Variants in MFNG observed in about 807,000 individuals in gnomAD.
The protein encoded by MFNG is beta-1,3-N-acetylglucosaminyltransferase manic fringe.
A neutral mutation model predicts 34.2 loss-of-function variants in MFNG; 24 were observed. The ratio of observed to expected loss-of-function variants is 0.70; its 90% CI spans 0.51 to 0.99. The LOEUF is 0.99. Ranked by LOEUF, MFNG falls within the 50% of genes least tolerant of loss-of-function variation. The pLI is 0.00. For missense variants in MFNG, 383 were observed against 424.0 expected (o/e 0.90, Z 0.85); for synonymous variants, 158 against 179.2 (o/e 0.88, Z 0.94).
At chr22:37,479,542 C>G in intron 3 of MFNG, 44 bp from the exon 4 acceptor site, 1 of 1,603,138 alleles carries the variant, frequency 6.2e-7, no homozygotes, top group Non-Finnish European at 8.5e-7. Flanking sequence ...GGGGGGGTTC[C>G]AAGCCAGGGT....
Position 37,485,799 on chromosome 22 carries a change from G to A in MFNG, c.255+124C>T. The A allele has an allele frequency of 8.4e-7, 1 of 1,192,928 alleles. No individual in the cohort carries two copies. Among genetic ancestry groups the A allele is most frequent in the Non-Finnish European group, 1.2e-6 (1 of 864,010 alleles). The allele number at this position is 1,192,928 out of a possible 1,614,324, so 73.9% of individuals were successfully genotyped here. On this transcript the variant is annotated intron_variant, in intron 1 of 7. Coordinates refer to ENST00000356998, the MANE Select transcript of MFNG (RefSeq NM_002405.4). This position sits in a 1 kb window ranked among gnomAD's most constrained non-coding sequence, Gnocchi z 5.3. ...AGAAGGAGAGAGGAAGAGGATCCCT[G>A]ATTAGGCAGGTATTGAGCAGCTTCT...
At chr22:37,477,130 T>C in intron 4 of MFNG, 149 bp from the exon 5 acceptor site, 2 of 666,488 alleles carry the variant, frequency 3.0e-6, no homozygotes, top group South Asian at 1.8e-5. Flanking sequence ...CCTGGCATTA[T>C]TGCACCCATT....
At chr22:37,481,277 T>C (rs1370078673) in intron 1 of MFNG, 1 of 155,208 alleles carries the variant, frequency 6.4e-6, no homozygotes, top group East Asian at 1.9e-4. Flanking sequence ...ATCTCGGAAA[T>C]GCTGCCTCAC....
chr22:37,480,807 C>T (rs1922262043), intron 1 of MFNG, 38 bp from the exon 2 acceptor site: 1 of 1,593,222 alleles, frequency 6.3e-7, no homozygotes, highest in African/African-American at 1.3e-5. Flanking sequence ...TCACATCGGC[C>T]CAAGGGACAC....
At chr22:37,473,810 G>A (rs140471198) in intron 6 of MFNG, among the ~76,000 whole-genome samples, 230 of 152,332 alleles carry the variant, frequency 1.5e-3, no homozygotes, top group African/African-American at 5.1e-3. Flanking sequence ...TCAGTTATGT[G>A]AGCCAACAAT....
Position 37,482,340 on chromosome 22 carries a change from G to A in MFNG, c.256-1571C>T, listed in dbSNP as rs537107679. On this transcript the variant is annotated intron_variant, in intron 1 of 7. Transcript: ENST00000356998. The surrounding 1 kb of genome is among the most constrained non-coding windows in gnomAD (Gnocchi z 4.1). ...AGGCCAGCCTCCCTAAGTGTGGCCAGTGAGGGGCCACCTGGCCACCCTGCC... is the reference window on the plus strand; with the variant it reads ...AGGCCAGCCTCCCTAAGTGTGGCCAATGAGGGGCCACCTGGCCACCCTGCC... 6.6e-6 allele frequency among the ~76,000 whole-genome samples: 1 copy of A among 152,284 alleles called. No homozygotes were observed. Among genetic ancestry groups the A allele is most frequent in the African/African-American group, 2.4e-5 (1 of 41,538 alleles).
At position 37,485,957 on chromosome 22, in the gene MFNG, A is replaced by T; in HGVS notation, c.221T>A (p.Leu74Gln). The change falls in exon 1 of 8, where the codon CTG (leucine) becomes CAG (glutamine). Residue 74 changes from leucine (L) to glutamine (Q), a missense_variant. Physicochemically the swap from Leu to Gln is moderately radical, Grantham distance 113. Coordinates refer to ENST00000356998, the MANE Select transcript of MFNG (RefSeq NM_002405.4). This position sits in a 1 kb window ranked among gnomAD's most constrained non-coding sequence, Gnocchi z 5.3. ...RAFHRLRLEL[L>Q]LDTWVSRTRE... ...GGTCCTGGAAACCCACGTGTCAAGC[A>T]GCAGCTCCAGGCGCAAGCGGTGGAA... 1 of 1,613,800 alleles carries T rather than the reference A, an allele frequency of 6.2e-7. No homozygotes were observed. Among genetic ancestry groups the T allele is most frequent in the African/African-American group, 1.3e-5 (1 of 75,042 alleles).
At chr22:37,484,427 C>T (rs961850323) in intron 1 of MFNG, 11 of 152,302 alleles carry the variant, frequency 7.2e-5, no homozygotes, top group African/African-American at 2.7e-4. Context: ...CTCCTGTAGC[C>T]CAGTGACCCA....
At chr22:37,472,874 T>A (rs1921872830) in intron 6 of MFNG, 1 of 229,840 alleles carries the variant, frequency 4.4e-6, no homozygotes, top group Non-Finnish European at 8.5e-6. Flanking sequence ...TGAGACTCAC[T>A]GGAGGGCCTT....
chr22:37,479,636 G>T, intron 3 of MFNG, 138 bp from the exon 4 acceptor site: 1 of 1,106,618 alleles, frequency 9.0e-7, no homozygotes, highest in Non-Finnish European at 1.3e-6. Flanking sequence ...TCTGTTTTGT[G>T]CCAAGTTGCA....
rs1348707608 is a variant in MFNG at position 37,486,309 on chromosome 22, G to A, written c.-132C>T. 1.9e-6 allele frequency: 2 copies of A among 1,073,992 alleles called. No homozygotes were observed. The highest frequency in any genetic ancestry group is 1.9e-5 in the South Asian group (1 of 53,270). The allele number at this position is 1,073,992 out of a possible 1,614,324, so 66.5% of individuals were successfully genotyped here. A position where few individuals can be genotyped will look rare whatever the true frequency, so the allele number is the denominator to read the frequency against. On this transcript the variant is annotated 5_prime_UTR_variant, in exon 1 of 8. Transcript: ENST00000356998. The stretch of plus-strand genomic sequence containing the variant: ...TCAGGGGCTGGCAAGGAGGGAAGAG[G>A]TAGGAGCTGAGGCTCTGGACCCAGA...
chr22:37,486,012 C>T lies in MFNG; in HGVS notation c.166G>A (p.Val56Ile). 1 of 1,614,092 alleles carries T rather than the reference C, an allele frequency of 6.2e-7. No individual in the cohort carries two copies. Among genetic ancestry groups the T allele is most frequent in the South Asian group, 1.1e-5 (1 of 91,088 alleles). The change falls in exon 1 of 8, where the codon GTC becomes ATC. Residue 56 changes from valine to isoleucine, a missense_variant. By Grantham distance (29) the Val-to-Ile change is conservative (BLOSUM62 3). Coordinates refer to ENST00000356998, the MANE Select transcript of MFNG (RefSeq NM_002405.4). ...CGGGTCGTCTTCACTGCAATGAAGA[C>T]ATCGTGTAGCTGTAGCTTAGGGGGC... is the stretch of plus-strand genomic sequence containing the variant. ...PGPPKLQLHD[V>I]FIAVKTTRAF...
intron 6 of MFNG, among the ~76,000 whole-genome samples, chr22:37,473,248 G>A (rs376482199): frequency 1.6e-4 from 24 of 152,170 alleles, no homozygotes; most frequent in Non-Finnish European, 2.8e-4. Flanking sequence ...GACCAGCCTG[G>A]CCAACATGGT....
In MFNG at chr22:37,474,620, C is replaced by T; in HGVS notation, c.705G>A (p.Met235Ile). The T allele has an allele frequency of 6.2e-7, 1 of 1,613,922 alleles. No individual in the cohort carries two copies. Residue 235 changes from methionine to isoleucine, a missense_variant, in exon 6 of 8, where the codon ATG becomes ATA. By Grantham distance (10) the Met-to-Ile change is conservative. Transcript: ENST00000356998. ...ALIRLPDDCTMGYIIECKLGG... is the reference protein window; with the variant it reads ...ALIRLPDDCTIGYIIECKLGG... The stretch of plus-strand genomic sequence containing the variant: ...CCAGCTTGCACTCAATGATATAGCC[C>T]ATGGTGCAGTCATCAGGCAGCCGGA...
At chr22:37,477,603 C>T (rs1019670548) in intron 4 of MFNG, among the ~76,000 whole-genome samples, 17 of 152,130 alleles carry the variant, frequency 1.1e-4, no homozygotes, top group Admixed American at 7.9e-4. Context: ...TGCGCCACCA[C>T]GCCCAACTAA....
At chr22:37,473,410 C>T (rs1465457860) in intron 6 of MFNG, among the ~76,000 whole-genome samples, 1 of 151,800 alleles carries the variant, frequency 6.6e-6, no homozygotes, top group East Asian at 1.9e-4. Context: ...ACCTGGGCAA[C>T]AGAGCGAGAC....
At position 37,470,046 on chromosome 22, in the gene MFNG, A is replaced by AAAGG; in HGVS notation, c.900-21_900-18dup. The AAAGG allele has an allele frequency of 6.3e-7, 1 of 1,582,884 alleles. No homozygotes were observed. The highest frequency in any genetic ancestry group is 8.6e-7 in the Non-Finnish European group (1 of 1,160,122). On this transcript the variant is annotated splice_polypyrimidine_tract_variant and intron_variant, in intron 7 of 7. Coordinates refer to ENST00000356998, the MANE Select transcript of MFNG (RefSeq NM_002405.4). ...GAGCGAAATCTGCAGAGAGACCAGA[A>AAAGG]AAGGACAGGATGGTCACCCCCCACT...
rs767404702 is a variant in MFNG at position 37,479,532 on chromosome 22, G to A, written c.408-34C>T. ...ATGAAACGGGGACAGTGAACTTGTT[G>A]GGGGGGTTCCAAGCCAGGGTCCCCA... On this transcript the variant is annotated intron_variant, in intron 3 of 7. Coordinates refer to ENST00000356998, the MANE Select transcript of MFNG (RefSeq NM_002405.4). 3.7e-6 allele frequency: 6 copies of A among 1,604,716 alleles called. No individual in the cohort carries two copies. In the African/African-American group the frequency reaches 8.1e-5, roughly 22 times the overall value.
At chr22:37,470,119 T>C in intron 7 of MFNG, 90 bp from the exon 8 acceptor site, 3 of 993,312 alleles carry the variant, frequency 3.0e-6, no homozygotes, top group Non-Finnish European at 4.6e-6. Context: ...ACAGAGGCGG[T>C]TTGGAGCAGG....
Sources: gnomAD v4.1 joint callset for allele counts (sites outside exome capture counted in the v4.1 genomes callset) on GRCh38, gnomAD v4.1.1 for gene constraint, Gnocchi (gnomAD v3.1) non-coding constraint, MANE v1.5 for transcripts, NCBI Gene and HGNC (gene_info 2026-07-23, HGNC 2026-07-21) for gene names.